The following SRBD1 variants were observed in gnomAD, a reference collection of about 807,000 sequenced individuals.
SRBD1 encodes S1 RNA-binding domain-containing protein 1.
SRBD1 carries 88 observed loss-of-function variants against 115.3 expected under a neutral mutation model. The observed-to-expected ratio is 0.76, with a 90% CI of 0.64 to 0.91. SRBD1 has a LOEUF of 0.91. SRBD1 is among the 40% of genes least tolerant of loss of function. The pLI is 0.00. For synonymous variants in SRBD1, 509 were observed against 407.7 expected, an observed-to-expected ratio of 1.25 and a Z score of -2.99; for missense variants, 1,385 against 1,177.4, an observed-to-expected ratio of 1.18 and a Z score of -2.58.
intron 14 of SRBD1, among the ~76,000 whole-genome samples, chr2:45,524,994 C>T (rs1286485190): frequency 1.3e-5 from 2 of 151,928 alleles, no homozygotes; most frequent in African/African-American, 2.4e-5. Flanking sequence ...CACATGTCTA[C>T]GGTCAACTGA....
In SRBD1 at chr2:45,547,570, T is replaced by C; in HGVS notation, c.1718A>G (p.Gln573Arg). Residue 573 changes from glutamine (Q) to arginine (R), a missense_variant, in exon 13 of 21, where the codon CAA (glutamine) becomes CGA (arginine). By Grantham distance (43) the Gln-to-Arg change is conservative. Transcript: ENST00000263736. Reference protein sequence around the residue: ...HTDVVYLHCGQGFREAEKIKT... With the variant: ...HTDVVYLHCGRGFREAEKIKT... ...TATTTTCTCCGCCTCTCGGAAGCCT[T>C]GTCCACAATGCAAGTAAACCACATC... 2 of 1,613,872 alleles carry C rather than the reference T, an allele frequency of 1.2e-6. No homozygotes were observed. Among genetic ancestry groups the C allele is most frequent in the African/African-American group, 1.3e-5 (1 of 75,046 alleles).
chr2:45,562,280 T>G (rs1483552977), intron 10 of SRBD1, among the ~76,000 whole-genome samples: 1 of 152,164 alleles, frequency 6.6e-6, no homozygotes, highest in African/African-American at 2.4e-5. Flanking sequence ...CAGGCTGGAG[T>G]GCAGTGGTGT....
chr2:45,420,153 T>C (rs370600364), intron 16 of SRBD1, among the ~76,000 whole-genome samples: 27 of 152,300 alleles, frequency 1.8e-4, no homozygotes, highest in African/African-American at 6.5e-4. Flanking sequence ...CCCAGAGCAG[T>C]GGTTCTCAAA....
chr2:45,502,217 C>T (rs1670656241), intron 14 of SRBD1, among the ~76,000 whole-genome samples: 1 of 152,204 alleles, frequency 6.6e-6, no homozygotes. Flanking sequence ...AACAGACCTG[C>T]AGCTAAGGGT....
At chr2:45,442,923 T>C (rs1400446147) in intron 16 of SRBD1, among the ~76,000 whole-genome samples, 1 of 152,168 alleles carries the variant, frequency 6.6e-6, no homozygotes, top group Non-Finnish European at 1.5e-5. Flanking sequence ...AAAGTAAGTT[T>C]GTAATAAATA....
intron 14 of SRBD1, among the ~76,000 whole-genome samples, chr2:45,491,899 A>G (rs1029976512): frequency 4.6e-5 from 7 of 151,974 alleles, no homozygotes; most frequent in African/African-American, 1.4e-4. Context: ...TCGGCTCACT[A>G]TTACCTCCGC....
chr2:45,590,590 G>C (rs552456350), intron 4 of SRBD1, among the ~76,000 whole-genome samples: 1 of 152,144 alleles, frequency 6.6e-6, no homozygotes, highest in Non-Finnish European at 1.5e-5. Flanking sequence ...TAATGGTTTT[G>C]TAAGTGTCTG....
chr2:45,414,786 ATAGT>A (rs1269026306), intron 18 of SRBD1, among the ~76,000 whole-genome samples: 2 of 73,914 alleles, frequency 2.7e-5, no homozygotes, highest in Admixed American at 2.4e-4. Flanking sequence ...ACACACACAC[ATAGT>A]GTGTATATAG....
intron 16 of SRBD1, among the ~76,000 whole-genome samples, chr2:45,475,451 T>C (rs183456966): frequency 3.3e-5 from 5 of 152,328 alleles, no homozygotes; most frequent in Non-Finnish European, 7.3e-5. Context: ...CTATTACTTC[T>C]CACTGTTGTT....
chr2:45,540,304 G>A (rs1355580667), intron 14 of SRBD1, among the ~76,000 whole-genome samples: 1 of 150,746 alleles, frequency 6.6e-6, no homozygotes, highest in Non-Finnish European at 1.5e-5. Context: ...TTGTGCTGCT[G>A]CACTCCAGCC....
chr2:45,585,087 T>C (rs1673476785), intron 5 of SRBD1, among the ~76,000 whole-genome samples: 2 of 151,676 alleles, frequency 1.3e-5, no homozygotes, highest in African/African-American at 4.8e-5. Flanking sequence ...GATACAGAGA[T>C]TGTAGTGAGC....
intron 9 of SRBD1, among the ~76,000 whole-genome samples, chr2:45,571,517 C>CAAAAAAAAAAAAAAAAAAAACA (rs1673010442): frequency 7.6e-5 from 3 of 39,404 alleles, no homozygotes; most frequent in African/African-American, 2.7e-4. Flanking sequence ...CAGACTTTAC[C>CAAAAAAAAAAAAAAAAAAAACA]AAAAAAAAAA....
At chr2:45,467,553 T>C (rs1178495263) in intron 16 of SRBD1, among the ~76,000 whole-genome samples, 1 of 152,160 alleles carries the variant, frequency 6.6e-6, no homozygotes, top group African/African-American at 2.4e-5. Flanking sequence ...CACATCTGTC[T>C]AAAATGACCA....
chr2:45,547,471 C>T (rs770880112), intron 13 of SRBD1, 51 bp downstream of exon 13: 44 of 1,517,588 alleles, frequency 2.9e-5, no homozygotes, highest in Non-Finnish European at 4.0e-5. Context: ...TCAAAGGTAT[C>T]TCTGGTTGAC....
At chr2:45,579,769 T>C (rs934320270) in intron 7 of SRBD1, 106 bp downstream of exon 7, 13 of 1,267,554 alleles carry the variant, frequency 1.0e-5, no homozygotes, top group Non-Finnish European at 1.2e-5. Flanking sequence ...CGCTGTAATA[T>C]TCTTTTGTAT....
intron 19 of SRBD1, among the ~76,000 whole-genome samples, chr2:45,407,455 C>G (rs1425725473): frequency 6.6e-6 from 1 of 152,112 alleles, no homozygotes; most frequent in Non-Finnish European, 1.5e-5. Context: ...AGGGTACTTT[C>G]TAATTGTTCA....
intron 14 of SRBD1, among the ~76,000 whole-genome samples, chr2:45,494,831 C>T (rs1330895273): frequency 6.6e-6 from 1 of 152,192 alleles, no homozygotes; most frequent in Non-Finnish European, 1.5e-5. Context: ...AACCTCCTTA[C>T]TTCAATACCA....
At chr2:45,553,588 T>C in intron 11 of SRBD1, 35 bp downstream of exon 11, 1 of 1,376,138 alleles carries the variant, frequency 7.3e-7, no homozygotes, top group Non-Finnish European at 1.0e-6. Context: ...ATAACAATAA[T>C]CAGTACACAA....
At chr2:45,427,796 A>C (rs777427016) in intron 16 of SRBD1, among the ~76,000 whole-genome samples, 35 of 152,178 alleles carry the variant, frequency 2.3e-4, no homozygotes, top group Non-Finnish European at 4.4e-4. Flanking sequence ...TCTGGGATGC[A>C]AGCCTGGTTC....
Sources: allele counts gnomAD v4.1 joint callset (sites outside exome capture counted in the v4.1 genomes callset), GRCh38; gene constraint gnomAD v4.1.1; transcripts MANE v1.5; gene names NCBI Gene and HGNC (gene_info 2026-07-23, HGNC 2026-07-21).